Variants in MDH2 observed in about 807,000 individuals in gnomAD.
The protein encoded by MDH2 is malate dehydrogenase, mitochondrial.
MDH2 carries 25 observed loss-of-function variants against 33.6 expected under a neutral mutation model. That is an observed-to-expected ratio of 0.74 (90% CI 0.54 to 1.04). The LOEUF is 1.04. Among genes scored for constraint, MDH2 ranks in the 50% least tolerant of loss-of-function variants. MDH2 has a pLI of 0.00. For synonymous variants in MDH2, 193 were observed against 188.7 expected, an observed-to-expected ratio of 1.02 and a Z score of -0.19; for missense variants, 432 against 445.0, an observed-to-expected ratio of 0.97 and a Z score of 0.26.
intron 6 of MDH2, 86 bp from the exon 7 acceptor site, chr7:76,064,253 G>A (rs1417559396): frequency 2.3e-6 from 2 of 882,380 alleles, no homozygotes; most frequent in Non-Finnish European, 3.5e-6. Context: ...AGGGAGAGGA[G>A]AGGTCGGGAA....
chr7:76,060,312 T>C (rs1554586812), intron 4 of MDH2, 61 bp from the exon 5 acceptor site: 1 of 1,592,854 alleles, frequency 6.3e-7, no homozygotes, highest in Non-Finnish European at 8.6e-7. Context: ...CTTTTCCTGC[T>C]GTGGCTTGGC....
chr7:76,052,988 C>T (rs3779421), intron 1 of MDH2, among the ~76,000 whole-genome samples: 37,183 of 152,098 alleles, frequency 0.24, 6,309 homozygotes, highest in African/African-American at 0.48. Flanking sequence ...ACTACAGGTG[C>T]ATACCACCAT....
rs782264522 is a variant in MDH2 at position 76,048,235 on chromosome 7, G to A, written c.66+9G>A. On this transcript the variant is annotated intron_variant, in intron 1 of 8. Transcript: ENST00000315758. ...TCAGCACCTCGGCCCAGGTAGGCCAGACGAGGGGCGGCCTGCAGGCGGAGG... is the reference window on the plus strand; with the variant it reads ...TCAGCACCTCGGCCCAGGTAGGCCAAACGAGGGGCGGCCTGCAGGCGGAGG... 1 of 1,532,286 alleles carries A rather than the reference G, an allele frequency of 6.5e-7. No individual in the cohort carries two copies. The highest frequency in any genetic ancestry group is 8.7e-7 in the Non-Finnish European group (1 of 1,144,958). 94.9% of individuals were successfully genotyped at this position (1,532,286 alleles called of 1,614,324 possible).
chr7:76,056,902 A>G (rs1280271907), intron 2 of MDH2, among the ~76,000 whole-genome samples: 2 of 152,132 alleles, frequency 1.3e-5, no homozygotes, highest in African/African-American at 2.4e-5. Flanking sequence ...AATCCCAGCT[A>G]CTGAGGAGGC....
Position 76,054,822 on chromosome 7 carries a change from CTT to C in MDH2, c.67-4_67-3del, listed in dbSNP as rs782796566. 6.2e-7 allele frequency: 1 copy of C among 1,613,980 alleles called. No homozygotes were observed. The highest frequency in any genetic ancestry group is 8.5e-7 in the Non-Finnish European group (1 of 1,179,962). On this transcript the variant is annotated splice_region_variant and splice_polypyrimidine_tract_variant and intron_variant, in intron 1 of 8. Transcript: ENST00000315758. Reference sequence around the variant, plus strand: ...TCCTAAGAGTCCTTTCTCTGTGCCTCTTTTTAGAACAATGCTAAAGTAGCTGT... The same window carrying C: ...TCCTAAGAGTCCTTTCTCTGTGCCTCTTTAGAACAATGCTAAAGTAGCTGT...
rs137859023 is a variant in MDH2, at chr7:76,055,923, G to C, written c.235+925G>C. On this transcript the variant is annotated intron_variant, in intron 2 of 8. Transcript: ENST00000315758. ...GCTTACTGCAACCTCCCCATCTTGG[G>C]TTCAAGTGATTCTCCTGCCTCAACC... is the stretch of plus-strand genomic sequence containing the variant. 6.5e-4 allele frequency among the ~76,000 whole-genome samples: 98 copies of C among 151,382 alleles called. 1 individual carries two copies. The highest frequency in any genetic ancestry group is 2.4e-3 in the African/African-American group (97 of 41,200).
rs1242406320 is a variant in MDH2, at chr7:76,060,450, G to A, written c.507G>A (p.Val169=). 6.2e-7 allele frequency: 1 copy of A among 1,614,188 alleles called. No homozygotes were observed. The highest frequency in any genetic ancestry group is 8.5e-7 in the Non-Finnish European group (1 of 1,180,030). ...ACAACCCCAACAAAATCTTCGGCGT[G>A]ACGACCCTGGACATCGTCAGAGCCA... The part of the protein sequence containing the change: ...GVYNPNKIFG[V]TTLDIVRANT... The change falls in exon 5 of 9, where the codon GTG becomes GTA. Residue 169 remains valine, a synonymous_variant. Coordinates refer to ENST00000315758, the MANE Select transcript of MDH2 (RefSeq NM_005918.4).
chr7:76,063,395 TG>T, intron 5 of MDH2, 119 bp from the exon 6 acceptor site: 1 of 893,512 alleles, frequency 1.1e-6, no homozygotes, highest in Non-Finnish European at 1.8e-6. Context: ...TCCTCCTAGC[TG>T]GCTCTGTTCC....
intron 2 of MDH2, among the ~76,000 whole-genome samples, chr7:76,055,876 G>A (rs1270430851): frequency 2.1e-5 from 3 of 140,764 alleles, no homozygotes; most frequent in Admixed American, 1.5e-4. Context: ...TGTCCCAGAT[G>A]GAATACAGTG....
chr7:76,065,062 C>A, intron 8 of MDH2, 109 bp downstream of exon 8: 2 of 1,316,386 alleles, frequency 1.5e-6, no homozygotes, highest in South Asian at 1.3e-5. Context: ...CATGTGCCTG[C>A]CTGGCGAGTG....
At chr7:76,060,723 C>T (rs569792429) in intron 5 of MDH2, among the ~76,000 whole-genome samples, 3 of 152,056 alleles carry the variant, frequency 2.0e-5, no homozygotes, top group Non-Finnish European at 2.9e-5. Context: ...GTCTGTCTCC[C>T]GGCTCTCGCT....
rs1251921095 is a variant in MDH2, at chr7:76,066,705, T to C, written c.*295T>C. 4 of 235,274 alleles carry C rather than the reference T, an allele frequency of 1.7e-5. No individual in the cohort carries two copies. Among genetic ancestry groups the C allele is most frequent in the Middle Eastern group, 1.4e-3 (1 of 706 alleles). 14.6% of individuals were successfully genotyped at this position (235,274 alleles called of 1,614,324 possible). A position where few individuals can be genotyped will look rare whatever the true frequency, so the allele number is the denominator to read the frequency against. ...ATTAGATGATGTTTAACTGTTAGAC[T>C]GAAGCGTGACGCTTTCATCAGTAGC... On this transcript the variant is annotated 3_prime_UTR_variant, in exon 9 of 9. Transcript: ENST00000315758.
At chr7:76,048,898 T>C in intron 1 of MDH2, 1 of 1,059,190 alleles carries the variant, frequency 9.4e-7, no homozygotes, top group Non-Finnish European at 1.1e-6. Flanking sequence ...AGAATGGTGG[T>C]TCTTAAACTC....
At chr7:76,054,703 T>C in intron 1 of MDH2, 127 bp from the exon 2 acceptor site, 1 of 1,078,048 alleles carries the variant, frequency 9.3e-7, no homozygotes, top group Non-Finnish European at 1.4e-6. Flanking sequence ...CTGTTACAAA[T>C]ACAATGATTG....
Position 76,048,112 on chromosome 7 carries a change from C to G in MDH2, c.-49C>G, listed in dbSNP as rs10231092. On this transcript the variant is annotated 5_prime_UTR_variant, in exon 1 of 9. Transcript: ENST00000315758. ...TGTGGAGGTCGTTGGAGTCACTTCCCCGTCACCAGCTCCTGTGCCTGCCAG... is the reference window on the plus strand; with the variant it reads ...TGTGGAGGTCGTTGGAGTCACTTCCGCGTCACCAGCTCCTGTGCCTGCCAG... The G allele has an allele frequency of 1, 1,528,965 of 1,536,488 alleles. 761,008 individuals carry two copies. Among genetic ancestry groups the G allele is most frequent in the East Asian group, 1 (40,890 of 40,890 alleles).
intron 5 of MDH2, among the ~76,000 whole-genome samples, chr7:76,061,567 G>A (rs1410150118): frequency 6.6e-6 from 1 of 152,014 alleles, no homozygotes; most frequent in African/African-American, 2.4e-5. Context: ...TTGAACCCAG[G>A]AGTTCAAGAC....
intron 2 of MDH2, among the ~76,000 whole-genome samples, chr7:76,056,691 T>A (rs2116670587): frequency 6.6e-6 from 1 of 152,306 alleles, no homozygotes; most frequent in Middle Eastern, 3.4e-3. Flanking sequence ...CACAGGACGT[T>A]TTCTTTCCTG....
chr7:76,062,168 G>A (rs1193732510), intron 5 of MDH2, among the ~76,000 whole-genome samples: 4 of 152,160 alleles, frequency 2.6e-5, no homozygotes, highest in Admixed American at 6.5e-5. Context: ...TTAAACTTCC[G>A]ATGGCTGGTT....
chr7:76,055,380 CTT>C (rs1797740191), intron 2 of MDH2, among the ~76,000 whole-genome samples: 2 of 152,066 alleles, frequency 1.3e-5, no homozygotes, highest in African/African-American at 2.4e-5. Flanking sequence ...AGCACGGCCT[CTT>C]TGGGAAACCT....
Sources: gnomAD v4.1 joint callset for allele counts (sites outside exome capture counted in the v4.1 genomes callset) on GRCh38, gnomAD v4.1.1 for gene constraint, MANE v1.5 for transcripts, NCBI Gene and HGNC (gene_info 2026-07-23, HGNC 2026-07-21) for gene names.